Variants in NKAIN3 observed in about 807,000 individuals in gnomAD.
NKAIN3 encodes sodium/potassium-transporting ATPase subunit beta-1-interacting protein 3.
Under a neutral mutation model 30.2 loss-of-function variants are expected in NKAIN3, and 25 were observed. The observed-to-expected ratio is 0.83, with a 90% CI of 0.60 to 1.16. The LOEUF (loss-of-function observed/expected upper bound fraction) is 1.16, where lower values mean the gene tolerates loss of function less well. NKAIN3 is among the 50% of genes most tolerant of loss of function. The pLI, the probability that NKAIN3 is intolerant of heterozygous loss-of-function variation, is 0.00. For synonymous variants in NKAIN3, 91 were observed against 89.6 expected, an observed-to-expected ratio of 1.02 and a Z score of -0.09; for missense variants, 225 against 254.1, an observed-to-expected ratio of 0.89 and a Z score of 0.78.
chr8:62,370,299 C>T (rs950922761), intron 1 of NKAIN3, among the ~76,000 whole-genome samples: 1 of 151,962 alleles, frequency 6.6e-6, no homozygotes, highest in Admixed American at 6.6e-5. Context: ...AAAGAATAAT[C>T]TGTTAGTAGT....
At chr8:62,916,873 G>C (rs1296970270) in intron 4 of NKAIN3, among the ~76,000 whole-genome samples, 3 of 152,150 alleles carry the variant, frequency 2.0e-5, no homozygotes, top group African/African-American at 7.2e-5. Context: ...TACTCTCTGA[G>C]TGTGACAGCT....
intron 3 of NKAIN3, among the ~76,000 whole-genome samples, chr8:62,677,399 G>T (rs2130405998): frequency 6.6e-6 from 1 of 152,332 alleles, no homozygotes; most frequent in South Asian, 2.1e-4. Flanking sequence ...TTGGATGTGA[G>T]AAGGGGGCAT....
rs998876411 is a variant in NKAIN3 at position 62,966,086 on chromosome 8, C to G, written c.*679C>G. 13 of 983,052 alleles carry G rather than the reference C, an allele frequency of 1.3e-5. No individual in the cohort carries two copies. The highest frequency in any genetic ancestry group is 1.2e-5 in the Non-Finnish European group (10 of 828,096). 60.9% of individuals were successfully genotyped at this position (983,052 alleles called of 1,614,324 possible). A position where few individuals can be genotyped will look rare whatever the true frequency, so the allele number is the denominator to read the frequency against. ...GGAAGAGTAAAAGGATTAGTAGAAC[C>G]CCTTTCCCCTTTGGAGGGAATATGG... On this transcript the variant is annotated 3_prime_UTR_variant, in exon 7 of 7. Coordinates refer to ENST00000623646, the MANE Select transcript of NKAIN3 (RefSeq NM_001304533.3).
chr8:62,364,828 CAAAAAAA>C (rs58784999), intron 1 of NKAIN3, among the ~76,000 whole-genome samples: 9 of 63,764 alleles, frequency 1.4e-4, no homozygotes, highest in South Asian at 8.9e-4. Flanking sequence ...GACTCCACTA[CAAAAAAA>C]AAAAAAAAAA....
At chr8:62,929,394 G>A (rs1822550139) in intron 5 of NKAIN3, among the ~76,000 whole-genome samples, 2 of 152,012 alleles carry the variant, frequency 1.3e-5, no homozygotes, top group African/African-American at 4.8e-5. Context: ...CTTTTCCTTT[G>A]CTCTATATTT....
chr8:62,746,759 G>A (rs116233188), intron 3 of NKAIN3, among the ~76,000 whole-genome samples, 173 bp from the exon 4 acceptor site: 1 of 152,154 alleles, frequency 6.6e-6, no homozygotes, highest in Non-Finnish European at 1.5e-5. Flanking sequence ...TAACCCAATA[G>A]TTTAGGCATA....
At chr8:62,915,018 A>G (rs1243012216) in intron 4 of NKAIN3, among the ~76,000 whole-genome samples, 1 of 151,136 alleles carries the variant, frequency 6.6e-6, no homozygotes, top group East Asian at 1.9e-4. Context: ...CCATTGTTCA[A>G]CTCCCACTTA....
chr8:62,863,974 G>A (rs1425350650), intron 4 of NKAIN3: 13 of 812,220 alleles, frequency 1.6e-5, no homozygotes, highest in Non-Finnish European at 2.6e-5. Context: ...AGGTGGAGGA[G>A]AAAGAACTAA....
At chr8:62,443,158 C>A (rs781667482) in intron 1 of NKAIN3, among the ~76,000 whole-genome samples, 2 of 151,566 alleles carry the variant, frequency 1.3e-5, no homozygotes, top group Non-Finnish European at 2.9e-5. Flanking sequence ...TCTAAGTTTT[C>A]TCTTTTAAAA....
chr8:62,785,044 A>T (rs111610997), intron 4 of NKAIN3, among the ~76,000 whole-genome samples: 1 of 152,172 alleles, frequency 6.6e-6, no homozygotes, highest in Non-Finnish European at 1.5e-5. Flanking sequence ...TTTGGAAAAC[A>T]GTCTGACAGT....
chr8:62,831,116 C>A (rs1471726346), intron 4 of NKAIN3, among the ~76,000 whole-genome samples: 2 of 152,108 alleles, frequency 1.3e-5, no homozygotes, highest in Admixed American at 6.6e-5. Flanking sequence ...AGTTACACAG[C>A]CCAATATAAG....
intron 4 of NKAIN3, among the ~76,000 whole-genome samples, chr8:62,774,288 G>A (rs2130641870): frequency 6.6e-6 from 1 of 152,250 alleles, no homozygotes; most frequent in Non-Finnish European, 1.5e-5. Context: ...TTGTTTATCA[G>A]TTCTAAAAGT....
intron 1 of NKAIN3, among the ~76,000 whole-genome samples, chr8:62,357,969 C>T (rs879629295): frequency 2.6e-5 from 4 of 152,086 alleles, no homozygotes; most frequent in Non-Finnish European, 5.9e-5. Context: ...GGAGGTAGCA[C>T]ATACATTTTA....
chr8:62,721,723 G>A (rs945800503), intron 3 of NKAIN3, among the ~76,000 whole-genome samples: 1 of 152,134 alleles, frequency 6.6e-6, no homozygotes, highest in South Asian at 2.1e-4. Flanking sequence ...AATTTATAAT[G>A]ATCTCTATGT....
In NKAIN3 at chr8:62,392,033, G is replaced by A. The variant is rs575093599; in HGVS notation, c.54+142906G>A. 3.2e-4 allele frequency among the ~76,000 whole-genome samples: 49 copies of A among 152,024 alleles called. No individual in the cohort carries two copies. In the South Asian group the frequency reaches 6.0e-3, roughly 19 times the overall value. On this transcript the variant is annotated intron_variant, in intron 1 of 6. Transcript: ENST00000623646. ...GACAACAACAAGGAAACATTCACTA[G>A]ACAACATAAGGAAGTTCTAATTAAA...
At chr8:62,667,711 T>A (rs1813171854) in intron 3 of NKAIN3, among the ~76,000 whole-genome samples, 1 of 151,968 alleles carries the variant, frequency 6.6e-6, no homozygotes, top group Non-Finnish European at 1.5e-5. Flanking sequence ...AAAAAATAAA[T>A]CAGATCAGGC....
chr8:62,960,686 C>G (rs1346346060), intron 6 of NKAIN3, among the ~76,000 whole-genome samples: 1 of 149,814 alleles, frequency 6.7e-6, no homozygotes, highest in Non-Finnish European at 1.5e-5. Flanking sequence ...ATGATAAGTT[C>G]TGGGAAGAAA....
intron 1 of NKAIN3, among the ~76,000 whole-genome samples, chr8:62,423,961 T>C (rs1804724354): frequency 6.6e-6 from 1 of 152,028 alleles, no homozygotes; most frequent in Non-Finnish European, 1.5e-5. Flanking sequence ...CAGCTGTTTG[T>C]GGTCTGTTTT....
At chr8:62,894,232 T>C (rs879400278) in intron 4 of NKAIN3, among the ~76,000 whole-genome samples, 4 of 152,192 alleles carry the variant, frequency 2.6e-5, no homozygotes, top group Non-Finnish European at 5.9e-5. Flanking sequence ...GAGCTGAATG[T>C]CAATTATTCA....
Sources: gnomAD v4.1 joint callset for allele counts (sites outside exome capture counted in the v4.1 genomes callset) on GRCh38, gnomAD v4.1.1 for gene constraint, MANE v1.5 for transcripts, NCBI Gene and HGNC (gene_info 2026-07-23, HGNC 2026-07-21) for gene names.